OCA2: variants seen among roughly 807,000 people sequenced by gnomAD.
The protein encoded by OCA2 is P protein.
Under a neutral mutation model 100.2 loss-of-function variants are expected in OCA2, and 77 were observed. The observed-to-expected ratio is 0.77, with a 90% confidence interval of 0.64 to 0.93. The LOEUF (loss-of-function observed/expected upper bound fraction) is 0.93, where lower values mean the gene tolerates loss of function less well. Among genes scored for constraint, OCA2 ranks in the 40% least tolerant of loss-of-function variants. The pLI, the probability that OCA2 is intolerant of heterozygous loss-of-function variation, is 0.00. For missense variants in OCA2, 1,062 were observed against 1,089.1 expected (o/e 0.98, Z 0.35); for synonymous variants, 432 against 439.2 (o/e 0.98, Z 0.21).
intron 23 of OCA2, among the ~76,000 whole-genome samples, chr15:27,764,935 A>G (rs1446903726): frequency 6.6e-6 from 1 of 152,234 alleles, no homozygotes; most frequent in African/African-American, 2.4e-5. Flanking sequence ...GGATACGTGT[A>G]GCTATTTCTT....
chr15:28,082,442 C>A (rs886481878), intron 1 of OCA2, among the ~76,000 whole-genome samples: 1 of 152,186 alleles, frequency 6.6e-6, no homozygotes, highest in East Asian at 1.9e-4. Flanking sequence ...TTCTTGAAGT[C>A]AGTGAGAGCA....
chr15:27,775,854 G>A (rs956049142), intron 23 of OCA2, among the ~76,000 whole-genome samples: 2 of 152,058 alleles, frequency 1.3e-5, no homozygotes, highest in Admixed American at 6.5e-5. Context: ...ATGAGGGCTC[G>A]GCCCTATGAC....
the OCA2 span, among the ~76,000 whole-genome samples, chr15:27,742,087 G>A: frequency 1.3e-5 from 2 of 152,168 alleles, no homozygotes; most frequent in South Asian, 2.1e-4. Context: ...GCCTTTGCTT[G>A]GAGGCAGGTG....
intron 6 of OCA2, among the ~76,000 whole-genome samples, chr15:28,022,203 C>T (rs577382346): frequency 6.6e-6 from 1 of 151,926 alleles, no homozygotes; most frequent in East Asian, 1.9e-4. Context: ...GCAAAAGAGA[C>T]GGGGGAGGAA....
chr15:27,794,733 T>TGC (rs2033251294), intron 23 of OCA2, among the ~76,000 whole-genome samples: 1 of 152,156 alleles, frequency 6.6e-6, no homozygotes, highest in Non-Finnish European at 1.5e-5. Context: ...AAAAATGACA[T>TGC]GCTGTTCAGG....
At position 28,009,559 on chromosome 15, in the gene OCA2, G is replaced by A. The variant is rs528456505; in HGVS notation, c.1044+5217C>T. Among the ~76,000 whole-genome samples the A allele has an allele frequency of 9.2e-5, 14 of 152,148 alleles. 1 individual carries two copies. Among genetic ancestry groups the A allele is most frequent in the African/African-American group, 3.4e-4 (14 of 41,496 alleles). On this transcript the variant is annotated intron_variant, in intron 9 of 23. Coordinates refer to ENST00000354638, the MANE Select transcript of OCA2 (RefSeq NM_000275.3). ...AAAAAGTAGCCAGGCATGATGGTAT[G>A]CGCCTGTGGTCTCAGCTACTTGGGA...
At chr15:27,880,720 C>T (rs2036980661) in intron 19 of OCA2, among the ~76,000 whole-genome samples, 1 of 152,144 alleles carries the variant, frequency 6.6e-6, no homozygotes, top group African/African-American at 2.4e-5. Context: ...TATCCTGAGA[C>T]TTTGCTGAAG....
chr15:27,747,888 G>T, the OCA2 span, among the ~76,000 whole-genome samples: 3 of 152,100 alleles, frequency 2.0e-5, no homozygotes, highest in Non-Finnish European at 2.9e-5. Context: ...ATGCATCTTG[G>T]TAACTTGAGA....
intron 2 of OCA2, among the ~76,000 whole-genome samples, chr15:28,060,663 G>A (rs76558282): frequency 0.013 from 2,050 of 152,284 alleles, 39 homozygotes; most frequent in African/African-American, 0.047. Context: ...AACAATCCAT[G>A]GAGCATGTAT....
chr15:27,868,520 G>A (rs370850026), intron 21 of OCA2, among the ~76,000 whole-genome samples: 18 of 152,176 alleles, frequency 1.2e-4, no homozygotes, highest in African/African-American at 3.9e-4. Flanking sequence ...AAATCGTCAC[G>A]CTCACGGAAG....
At chr15:27,818,942 C>A (rs1321945552) in intron 23 of OCA2, among the ~76,000 whole-genome samples, 1 of 152,174 alleles carries the variant, frequency 6.6e-6, no homozygotes, top group Non-Finnish European at 1.5e-5. Context: ...TCGCCAGACC[C>A]AGGTAGGCTT....
rs1423927809 is a variant in OCA2 at position 28,074,001 on chromosome 15, CAG to C, written c.227+7645_227+7646del. On this transcript the variant is annotated intron_variant, in intron 2 of 23. Transcript: ENST00000354638. ...GCTACCCAAGTGATAAAATGACAGACAGACACACACACACACACACACACACA... is the reference window on the plus strand; with the variant it reads ...GCTACCCAAGTGATAAAATGACAGACACACACACACACACACACACACACA... Among the ~76,000 whole-genome samples, 5 of 115,586 alleles carry C rather than the reference CAG, an allele frequency of 4.3e-5. No homozygotes were observed. The East Asian group carries it at 2.2e-3, about 51-fold the overall frequency. The allele number at this position is 115,586 out of a possible 152,430, so 75.8% of individuals were successfully genotyped here.
At chr15:28,055,539 G>A (rs147692690) in intron 2 of OCA2, among the ~76,000 whole-genome samples, 1 of 152,314 alleles carries the variant, frequency 6.6e-6, no homozygotes, top group African/African-American at 2.4e-5. Flanking sequence ...TAGATGGTTT[G>A]TTTGGGGTGG....
intron 2 of OCA2, among the ~76,000 whole-genome samples, chr15:28,054,580 T>A (rs989145131): frequency 2.0e-5 from 3 of 152,238 alleles, no homozygotes; most frequent in Admixed American, 1.3e-4. Context: ...AGTTCTATGT[T>A]GCTGCCATAG....
chr15:27,950,556 C>T (rs1332477208), intron 18 of OCA2: 1 of 517,756 alleles, frequency 1.9e-6, no homozygotes. Context: ...TGAACCAAGC[C>T]CAGGCCACCT....
chr15:28,067,744 T>C (rs1232082077), intron 2 of OCA2, among the ~76,000 whole-genome samples: 1 of 152,236 alleles, frequency 6.6e-6, no homozygotes, highest in Non-Finnish European at 1.5e-5. Context: ...TGAAACTTGC[T>C]TTATGACTGA....
Position 27,895,756 on chromosome 15 carries a change from G to A in OCA2, c.2080-23834C>T, listed in dbSNP as rs987988588. The stretch of plus-strand genomic sequence containing the variant: ...AAGCCTACTTTAAGAGATATCAAGC[G>A]AAATTTAGAAGACGGCAAGAGGGTG... On this transcript the variant is annotated intron_variant, in intron 19 of 23. Coordinates refer to ENST00000354638, the MANE Select transcript of OCA2 (RefSeq NM_000275.3). 15 of 326,114 alleles carry A rather than the reference G, an allele frequency of 4.6e-5. 1 individual carries two copies. Among genetic ancestry groups the A allele is most frequent in the South Asian group, 2.5e-4 (7 of 28,254 alleles). The allele number at this position is 326,114 out of a possible 1,614,324, so 20.2% of individuals were successfully genotyped here.
At chr15:27,735,724 GA>G in the OCA2 span, among the ~76,000 whole-genome samples, 1 of 151,080 alleles carries the variant, frequency 6.6e-6, no homozygotes, top group Non-Finnish European at 1.5e-5. Context: ...AGTACTGAAG[GA>G]AAAAAACAAA....
intron 23 of OCA2, among the ~76,000 whole-genome samples, chr15:27,842,356 G>A (rs954487587): frequency 7.2e-5 from 11 of 152,108 alleles, no homozygotes; most frequent in African/African-American, 1.2e-4. Flanking sequence ...TATTTTATTC[G>A]TTTACATATT....
Sources: allele counts gnomAD v4.1 joint callset (sites outside exome capture counted in the v4.1 genomes callset), GRCh38; gene constraint gnomAD v4.1.1; transcripts MANE v1.5; gene names NCBI Gene and HGNC (gene_info 2026-07-23, HGNC 2026-07-21).